Variants in CSMD1 observed in about 807,000 individuals in gnomAD.
The protein encoded by CSMD1 is CUB and Sushi multiple domains 1.
CSMD1 carries 213 observed loss-of-function variants against 417.5 expected under a neutral mutation model. That is an observed-to-expected ratio of 0.51 (90% CI 0.46 to 0.57). The LOEUF is 0.57. Ranked by LOEUF, CSMD1 falls within the 20% of genes least tolerant of loss-of-function variation. The pLI, the probability that CSMD1 is intolerant of heterozygous loss-of-function variation, is 0.00. For synonymous variants in CSMD1, 2,862 were observed against 1,736.8 expected (o/e 1.65, Z -16.11); for missense variants, 6,923 against 4,529.7 (o/e 1.53, Z -15.17).
intron 5 of CSMD1, among the ~76,000 whole-genome samples, chr8:3,978,057 C>T (rs145107353): frequency 6.6e-6 from 1 of 152,282 alleles, no homozygotes; most frequent in East Asian, 1.9e-4. Flanking sequence ...TCAAAAAGCA[C>T]GTTGTACTGG....
chr8:4,025,584 G>T (rs958114491), intron 4 of CSMD1, among the ~76,000 whole-genome samples: 4 of 152,064 alleles, frequency 2.6e-5, no homozygotes, highest in Non-Finnish European at 5.9e-5. Flanking sequence ...TGTAAGAAGT[G>T]AAACAGTAAA....
intron 3 of CSMD1, among the ~76,000 whole-genome samples, chr8:4,206,249 G>C (rs976633994): frequency 1.3e-4 from 20 of 152,210 alleles, no homozygotes; most frequent in African/African-American, 3.4e-4. Context: ...CAAGGGGCAG[G>C]TTTGTTACAT....
chr8:4,665,983 A>G (rs967721119), intron 1 of CSMD1, among the ~76,000 whole-genome samples: 1 of 152,158 alleles, frequency 6.6e-6, no homozygotes, highest in African/African-American at 2.4e-5. Context: ...AATATGTAAT[A>G]TTGCATGAAC....
intron 1 of CSMD1, among the ~76,000 whole-genome samples, chr8:4,863,838 A>T (rs1585230417): frequency 1.3e-5 from 2 of 152,062 alleles, no homozygotes; most frequent in South Asian, 4.1e-4. Flanking sequence ...AAGAAATGAA[A>T]TTTTTTATAC....
chr8:3,102,805 C>G (rs924104430), intron 46 of CSMD1, among the ~76,000 whole-genome samples: 3 of 152,184 alleles, frequency 2.0e-5, no homozygotes, highest in Non-Finnish European at 4.4e-5. Context: ...CGCCTTTATA[C>G]AAAGCCTGGA....
intron 6 of CSMD1, among the ~76,000 whole-genome samples, chr8:3,746,226 C>G (rs911239080): frequency 6.6e-6 from 1 of 152,226 alleles, no homozygotes. Context: ...AGAATAAGTT[C>G]TTCCTCCACA....
At chr8:3,719,610 G>C (rs891812325) in intron 6 of CSMD1, among the ~76,000 whole-genome samples, 3 of 152,144 alleles carry the variant, frequency 2.0e-5, no homozygotes, top group Non-Finnish European at 2.9e-5. Flanking sequence ...GAACGAAAAA[G>C]ATGCTCTATG....
chr8:2,973,265 G>C lies in CSMD1; in HGVS notation c.8775C>G (p.Thr2925=), dbSNP rs1804617934. ...NNPGFCGDPG[T]PAHGSRLGDD... is the part of the protein sequence containing the mutation. ...CACCAAGCCGAGACCCATGTGCTGGGGTCCCCGGATCACCACAGAATCCAG... is the reference window on the plus strand; with the variant it reads ...CACCAAGCCGAGACCCATGTGCTGGCGTCCCCGGATCACCACAGAATCCAG... The change falls in exon 57 of 70, where the codon ACC becomes ACG. Residue 2925 remains threonine (T), a synonymous_variant. Transcript: ENST00000635120. The C allele has an allele frequency of 6.2e-7, 1 of 1,613,836 alleles. No homozygotes were observed. Among genetic ancestry groups the C allele is most frequent in the Non-Finnish European group, 8.5e-7 (1 of 1,179,820 alleles).
At chr8:4,109,235 A>AT (rs1205310730) in intron 3 of CSMD1, among the ~76,000 whole-genome samples, 2 of 151,756 alleles carry the variant, frequency 1.3e-5, no homozygotes, top group Admixed American at 6.6e-5. Flanking sequence ...ACAACCATCC[A>AT]TTTTTTTTCT....
chr8:3,178,821 GC>G (rs1368376532), intron 37 of CSMD1, among the ~76,000 whole-genome samples: 1 of 151,840 alleles, frequency 6.6e-6, no homozygotes, highest in African/African-American at 2.4e-5. Context: ...TAAAATAAAT[GC>G]AAAAATATGT....
chr8:4,229,551 G>T (rs1331266338), intron 3 of CSMD1, among the ~76,000 whole-genome samples: 1 of 152,076 alleles, frequency 6.6e-6, no homozygotes, highest in South Asian at 2.1e-4. Context: ...CACTTACCCA[G>T]CATTCCCCAT....
At chr8:3,146,880 G>C (rs538979605) in intron 40 of CSMD1, among the ~76,000 whole-genome samples, 1 of 152,264 alleles carries the variant, frequency 6.6e-6, no homozygotes, top group South Asian at 2.1e-4. Context: ...TGACTAAACT[G>C]GCAACTGCTT....
intron 4 of CSMD1, among the ~76,000 whole-genome samples, chr8:4,002,287 G>C (rs990735588): frequency 2.0e-5 from 3 of 152,050 alleles, no homozygotes; most frequent in East Asian, 1.9e-4. Flanking sequence ...ACCTGCTATA[G>C]TGCTGTAAGT....
chr8:4,626,765 C>A (rs1052871445), intron 2 of CSMD1, among the ~76,000 whole-genome samples: 1 of 152,132 alleles, frequency 6.6e-6, no homozygotes, highest in Non-Finnish European at 1.5e-5. Context: ...AGGCTTTATT[C>A]ACTTAGATCT....
chr8:3,857,421 G>T (rs180709714), intron 5 of CSMD1, among the ~76,000 whole-genome samples: 3 of 152,170 alleles, frequency 2.0e-5, no homozygotes, highest in African/African-American at 7.2e-5. Context: ...AACAAAAACT[G>T]TGATGGTAAA....
At position 4,190,253 on chromosome 8, in the gene CSMD1, CAAA is replaced by C. The variant is rs11397581; in HGVS notation, c.416-158157_416-158155del. On this transcript the variant is annotated intron_variant, in intron 3 of 69. Coordinates refer to ENST00000635120, the MANE Select transcript of CSMD1 (RefSeq NM_033225.6). ...CAGCCTGGGCAACAAACTCCGTCTCCAAAAAAAAAAAAAAAAAAAAAAGCAGAG... is the reference window on the plus strand; with the variant it reads ...CAGCCTGGGCAACAAACTCCGTCTCCAAAAAAAAAAAAAAAAAAAGCAGAG... Among the ~76,000 whole-genome samples, 570 of 67,020 alleles carry C rather than the reference CAAA, an allele frequency of 8.5e-3. 20 individuals carry two copies. The East Asian group carries it at 0.15, about 17-fold the overall frequency. The allele number at this position is 67,020 out of a possible 152,430, so 44.0% of individuals were successfully genotyped here.
intron 1 of CSMD1, among the ~76,000 whole-genome samples, chr8:4,813,916 T>A (rs2117348127): frequency 6.6e-6 from 1 of 152,350 alleles, no homozygotes; most frequent in East Asian, 1.9e-4. Context: ...ACTCTAAATT[T>A]CTTAAATGTT....
At chr8:4,616,262 C>G (rs933493950) in intron 2 of CSMD1, among the ~76,000 whole-genome samples, 2 of 152,098 alleles carry the variant, frequency 1.3e-5, no homozygotes, top group African/African-American at 4.8e-5. Context: ...GAATGGTTTA[C>G]CAATTGTACA....
At chr8:4,561,881 T>A (rs1056417824) in intron 2 of CSMD1, among the ~76,000 whole-genome samples, 1 of 152,148 alleles carries the variant, frequency 6.6e-6, no homozygotes, top group Non-Finnish European at 1.5e-5. Context: ...ACACAGCGCA[T>A]ATGTCATGAA....
Sources: gnomAD v4.1 joint callset for allele counts (sites outside exome capture counted in the v4.1 genomes callset) on GRCh38, gnomAD v4.1.1 for gene constraint, MANE v1.5 for transcripts, NCBI Gene and HGNC (gene_info 2026-07-23, HGNC 2026-07-21) for gene names.